Variants in HAPLN1 observed in about 807,000 individuals in gnomAD.
HAPLN1 encodes the protein Cartilage link protein.
In HAPLN1, 13 loss-of-function variants were observed where a neutral mutation model predicts 36.5. That is an observed-to-expected ratio of 0.36 (90% confidence interval 0.23 to 0.57). HAPLN1 has a LOEUF of 0.57. Ranked by LOEUF, HAPLN1 falls within the 20% of genes least tolerant of loss-of-function variation. HAPLN1 has a pLI of 0.83. For missense variants in HAPLN1, 407 were observed against 439.7 expected, an observed-to-expected ratio of 0.93 and a Z score of 0.66; for synonymous variants, 202 against 169.8, an observed-to-expected ratio of 1.19 and a Z score of -1.48.
chr5:83,708,045 T>C (rs983762536), intron 1 of HAPLN1, among the ~76,000 whole-genome samples: 2 of 152,176 alleles, frequency 1.3e-5, no homozygotes, highest in Admixed American at 6.5e-5. Context: ...TGGCTATAAT[T>C]AAGAAGTCAG....
intron 3 of HAPLN1, among the ~76,000 whole-genome samples, chr5:83,650,632 C>CTTT (rs5869195): frequency 9.6e-6 from 1 of 103,764 alleles, no homozygotes; most frequent in Non-Finnish European, 1.8e-5. Flanking sequence ...AAATTCTTTT[C>CTTT]TTTTTTTTTT....
At chr5:83,662,561 T>G (rs1383566193) in intron 2 of HAPLN1, among the ~76,000 whole-genome samples, 1 of 152,184 alleles carries the variant, frequency 6.6e-6, no homozygotes, top group East Asian at 1.9e-4. Flanking sequence ...GAAATAAAAT[T>G]AGAATATTTT....
At chr5:83,678,477 G>C (rs367867035) in intron 1 of HAPLN1, among the ~76,000 whole-genome samples, 2 of 152,052 alleles carry the variant, frequency 1.3e-5, no homozygotes, top group African/African-American at 2.4e-5. Context: ...AAGATGATTT[G>C]CCGTGGTTTA....
At chr5:83,699,006 T>TA (rs1751450249) in intron 1 of HAPLN1, among the ~76,000 whole-genome samples, 1 of 152,304 alleles carries the variant, frequency 6.6e-6, no homozygotes, top group South Asian at 2.1e-4. Context: ...TTTAAATTTT[T>TA]AAAAAACTTG....
At position 83,689,906 on chromosome 5, in the gene HAPLN1, A is replaced by G. The variant is rs1487795950; in HGVS notation, c.-26-16357T>C. 2.0e-5 allele frequency among the ~76,000 whole-genome samples: 3 copies of G among 152,112 alleles called. No homozygotes were observed. The East Asian group carries it at 5.8e-4, about 29-fold the overall frequency. ...ATAGAATTTTTCCTTCTGAAGGGTC[A>G]GAGATAGGAAATTTTATATGAACAA... is the stretch of plus-strand genomic sequence containing the variant. On this transcript the variant is annotated intron_variant, in intron 1 of 4. Transcript: ENST00000274341.
intron 1 of HAPLN1, among the ~76,000 whole-genome samples, chr5:83,706,274 A>G (rs1158344745): frequency 1.3e-5 from 2 of 152,152 alleles, no homozygotes; most frequent in African/African-American, 4.8e-5. Flanking sequence ...AGACACAACA[A>G]CAACATCAAA....
intron 1 of HAPLN1, among the ~76,000 whole-genome samples, chr5:83,693,630 G>A (rs1290482659): frequency 4.6e-5 from 7 of 151,648 alleles, no homozygotes; most frequent in African/African-American, 1.7e-4. Context: ...GTAAAAGGAT[G>A]GGAAAATACA....
chr5:83,656,776 C>T (rs1333063303), intron 2 of HAPLN1, among the ~76,000 whole-genome samples: 3 of 152,134 alleles, frequency 2.0e-5, no homozygotes, highest in Admixed American at 2.0e-4. Flanking sequence ...CACTGAACCG[C>T]TGGGGCCTCG....
chr5:83,666,114 C>T (rs1271406237), intron 2 of HAPLN1, among the ~76,000 whole-genome samples: 1 of 152,140 alleles, frequency 6.6e-6, no homozygotes, highest in Non-Finnish European at 1.5e-5. Flanking sequence ...TTGATAACCT[C>T]TTGATTGAAT....
intron 1 of HAPLN1, among the ~76,000 whole-genome samples, chr5:83,717,531 T>C (rs766072942): frequency 2.0e-5 from 3 of 152,238 alleles, no homozygotes; most frequent in Non-Finnish European, 1.5e-5. Flanking sequence ...ACAACTTGTA[T>C]TGATTAATGC....
chr5:83,661,911 T>A (rs1018875168), intron 2 of HAPLN1, among the ~76,000 whole-genome samples: 10 of 152,342 alleles, frequency 6.6e-5, no homozygotes, highest in Admixed American at 1.3e-4. Context: ...TGTGTTCATG[T>A]ATGGGTTTGG....
intron 1 of HAPLN1, among the ~76,000 whole-genome samples, chr5:83,718,699 AT>A (rs1477990694): frequency 6.6e-6 from 1 of 152,226 alleles, no homozygotes; most frequent in Non-Finnish European, 1.5e-5. Flanking sequence ...ATGTCAGAAA[AT>A]TAATTTGAAG....
intron 4 of HAPLN1, among the ~76,000 whole-genome samples, chr5:83,643,151 C>T (rs991250185): frequency 2.6e-5 from 4 of 151,824 alleles, no homozygotes; most frequent in Non-Finnish European, 5.9e-5. Context: ...TAGTGAAACC[C>T]CATGTCTACA....
intron 2 of HAPLN1, among the ~76,000 whole-genome samples, chr5:83,659,175 G>A (rs532339682): frequency 7.9e-5 from 12 of 152,036 alleles, no homozygotes; most frequent in East Asian, 1.9e-4. Flanking sequence ...TTGGGAGGCC[G>A]AGGCAGGAGA....
chr5:83,644,422 C>T lies in HAPLN1; in HGVS notation c.716G>A (p.Gly239Glu), dbSNP rs139074313. Reference sequence around the variant, plus strand: ...TCTGCTTTTATCTTTATCCCAAAATCCGTAGTTCCTGACTCCGGGCACTGT... The same window carrying T: ...TCTGCTTTTATCTTTATCCCAAAATTCGTAGTTCCTGACTCCGGGCACTGT... ...QNTVPGVRNY[G>E]FWDKDKSRYD... Residue 239 changes from glycine to glutamate, a missense_variant, in exon 4 of 5, where the codon GGA becomes GAA. Coordinates refer to ENST00000274341, the MANE Select transcript of HAPLN1 (RefSeq NM_001884.4). The T allele has an allele frequency of 6.2e-7, 1 of 1,602,520 alleles. No homozygotes were observed. Among genetic ancestry groups the T allele is most frequent in the Non-Finnish European group, 8.5e-7 (1 of 1,176,592 alleles).
At chr5:83,691,721 C>T (rs962248703) in intron 1 of HAPLN1, among the ~76,000 whole-genome samples, 6 of 151,688 alleles carry the variant, frequency 4.0e-5, no homozygotes, top group Admixed American at 3.3e-4. Flanking sequence ...AGCTACTGGG[C>T]TTACAAAGAA....
Position 83,641,504 on chromosome 5 carries a change from A to G in HAPLN1, c.1057T>C (p.Tyr353His), listed in dbSNP as rs753102178. Residue 353 changes from tyrosine (Y) to histidine (H), a missense_variant, in exon 5 of 5, where the codon TAC becomes CAC. Coordinates refer to ENST00000274341, the MANE Select transcript of HAPLN1 (RefSeq NM_001884.4). ...GCGCTCTAAGGGCACATTCAGTTGT[A>G]TGCTCTGAAGCAGTAGACACCATAC... ...KLYGVYCFRA[Y>H]N The G allele has an allele frequency of 3.1e-6, 5 of 1,601,086 alleles. No individual in the cohort carries two copies. The Admixed American group carries it at 6.8e-5, about 22-fold the overall frequency.
chr5:83,704,639 G>T (rs1751586512), intron 1 of HAPLN1, among the ~76,000 whole-genome samples: 1 of 152,100 alleles, frequency 6.6e-6, no homozygotes, highest in African/African-American at 2.4e-5. Flanking sequence ...AACTAACAAA[G>T]ATCAGAAACT....
chr5:83,645,219 T>C (rs1174052754), intron 3 of HAPLN1, among the ~76,000 whole-genome samples: 1 of 152,224 alleles, frequency 6.6e-6, no homozygotes, highest in Non-Finnish European at 1.5e-5. Flanking sequence ...GTCTTTTAAA[T>C]GTATAAACAA....
Sources: allele counts gnomAD v4.1 joint callset (sites outside exome capture counted in the v4.1 genomes callset), GRCh38; gene constraint gnomAD v4.1.1; transcripts MANE v1.5; gene names NCBI Gene and HGNC (gene_info 2026-07-23, HGNC 2026-07-21).